The following TDRD3 variants were observed in gnomAD, a reference collection of about 807,000 sequenced individuals.
TDRD3 encodes the protein tudor domain containing 3, also known as tudor domain-containing protein 3.
Under a neutral mutation model 86.7 loss-of-function variants are expected in TDRD3, and 45 were observed. The ratio of observed to expected loss-of-function variants is 0.52; its 90% CI spans 0.41 to 0.67. The LOEUF (loss-of-function observed/expected upper bound fraction) is 0.67. TDRD3 is among the 30% of genes least tolerant of loss of function. TDRD3 has a pLI of 0.00. For missense variants in TDRD3, 814 were observed against 889.0 expected (o/e 0.92, Z 1.07); for synonymous variants, 298 against 301.7 (o/e 0.99, Z 0.13).
chr13:60,397,750 C>G (rs868289735), intron 1 of TDRD3, among the ~76,000 whole-genome samples: 2 of 151,602 alleles, frequency 1.3e-5, no homozygotes, highest in Admixed American at 6.6e-5. Context: ...CCTGCAGCGC[C>G]GTCCGCGCGG....
intron 5 of TDRD3, among the ~76,000 whole-genome samples, chr13:60,472,165 C>T (rs1956087905): frequency 6.6e-6 from 1 of 152,100 alleles, no homozygotes; most frequent in South Asian, 2.1e-4. Context: ...TAATGCGTTA[C>T]ATTGATTGAT....
intron 5 of TDRD3, among the ~76,000 whole-genome samples, chr13:60,468,501 C>T (rs1165539040): frequency 1.3e-5 from 2 of 152,122 alleles, no homozygotes; most frequent in Non-Finnish European, 2.9e-5. Flanking sequence ...TTCTCATCTC[C>T]TGTAACAGAT....
chr13:60,396,100 T>G (rs1350545984), upstream of TDRD3, among the ~76,000 whole-genome samples: 1 of 152,098 alleles, frequency 6.6e-6, no homozygotes, highest in African/African-American at 2.4e-5. Flanking sequence ...TCCTCCCCAA[T>G]CCCAAGAGCG....
chr13:60,570,301 A>G (rs1003085895), intron 13 of TDRD3, among the ~76,000 whole-genome samples: 1 of 152,234 alleles, frequency 6.6e-6, no homozygotes, highest in Non-Finnish European at 1.5e-5. Flanking sequence ...CAACAGGTAT[A>G]TGAAAAAATA....
At chr13:60,494,405 A>G (rs568749944) in intron 7 of TDRD3, 30 bp from the exon 8 acceptor site, 1 of 1,590,408 alleles carries the variant, frequency 6.3e-7, no homozygotes, top group Non-Finnish European at 8.6e-7. Context: ...CTGTCTACAT[A>G]CCTCTCTTTT....
At chr13:60,405,554 G>A (rs1009117509) in intron 1 of TDRD3, among the ~76,000 whole-genome samples, 1 of 152,106 alleles carries the variant, frequency 6.6e-6, no homozygotes, top group African/African-American at 2.4e-5. Context: ...CTGACTAAGT[G>A]AGGGGAGCAC....
At chr13:60,572,996 T>C (rs1467741655) in intron 13 of TDRD3, among the ~76,000 whole-genome samples, 3 of 152,182 alleles carry the variant, frequency 2.0e-5, no homozygotes, top group Non-Finnish European at 4.4e-5. Flanking sequence ...GAGCTGTTTG[T>C]ATGCAGCCGC....
At chr13:60,508,266 T>G (rs1956980635) in intron 8 of TDRD3, among the ~76,000 whole-genome samples, 2 of 152,166 alleles carry the variant, frequency 1.3e-5, no homozygotes, top group African/African-American at 4.8e-5. Flanking sequence ...TAGAAAAAAC[T>G]ACTTTAAATT....
At chr13:60,494,227 T>G (rs1370150262) in intron 7 of TDRD3, among the ~76,000 whole-genome samples, 1 of 152,230 alleles carries the variant, frequency 6.6e-6, no homozygotes, top group Admixed American at 6.5e-5. Context: ...GTAATTATTT[T>G]TATTGCCTGG....
At chr13:60,507,950 A>G (rs1052874388) in intron 8 of TDRD3, among the ~76,000 whole-genome samples, 5 of 152,228 alleles carry the variant, frequency 3.3e-5, no homozygotes, top group Non-Finnish European at 7.3e-5. Context: ...CCAATGTGCA[A>G]AAATCACAAG....
At chr13:60,443,696 T>C (rs2137977135) in intron 2 of TDRD3, among the ~76,000 whole-genome samples, 1 of 152,044 alleles carries the variant, frequency 6.6e-6, no homozygotes, top group East Asian at 1.9e-4. Context: ...TCCTTAAGTC[T>C]AACAAAAATT....
chr13:60,555,397 C>T (rs1019191194), intron 12 of TDRD3, among the ~76,000 whole-genome samples: 6 of 152,150 alleles, frequency 3.9e-5, no homozygotes, highest in African/African-American at 1.4e-4. Context: ...TGTACATTAA[C>T]TGATTTAATA....
At chr13:60,494,654 T>A in intron 8 of TDRD3, 79 bp downstream of exon 8, 1 of 1,406,778 alleles carries the variant, frequency 7.1e-7, no homozygotes, top group Non-Finnish European at 9.7e-7. Context: ...CCACCACCAC[T>A]GGCTTTGTGC....
At chr13:60,570,330 C>T (rs138893992) in intron 13 of TDRD3, among the ~76,000 whole-genome samples, 69 of 152,246 alleles carry the variant, frequency 4.5e-4, no homozygotes, top group African/African-American at 1.6e-3. Flanking sequence ...CATTAATCAT[C>T]AGAGAAATGC....
chr13:60,495,705 T>C (rs1336020664), intron 8 of TDRD3, among the ~76,000 whole-genome samples: 3 of 152,120 alleles, frequency 2.0e-5, no homozygotes, highest in Non-Finnish European at 2.9e-5. Flanking sequence ...CCTCAGATGA[T>C]CCACCCGCTT....
chr13:60,456,156 T>A (rs1321081519), intron 3 of TDRD3, among the ~76,000 whole-genome samples: 2 of 151,080 alleles, frequency 1.3e-5, no homozygotes, highest in East Asian at 3.9e-4. Context: ...GAAAAAAAAA[T>A]TGTTTTAAGT....
At chr13:60,520,670 G>A (rs1957268572) in intron 10 of TDRD3, among the ~76,000 whole-genome samples, 1 of 152,292 alleles carries the variant, frequency 6.6e-6, no homozygotes, top group East Asian at 1.9e-4. Context: ...AGCTCCACAG[G>A]ATAGAGGGCA....
intron 2 of TDRD3, among the ~76,000 whole-genome samples, chr13:60,440,639 C>G (rs1280246000): frequency 6.6e-6 from 1 of 152,014 alleles, no homozygotes; most frequent in Non-Finnish European, 1.5e-5. Context: ...CGAGATCATG[C>G]CACTGCACTC....
chr13:60,535,379 ATTC>A, intron 12 of TDRD3, 146 bp downstream of exon 12: 1 of 791,240 alleles, frequency 1.3e-6, no homozygotes, highest in Non-Finnish European at 1.8e-6. Flanking sequence ...TAAGATTTTA[ATTC>A]AATGCTTACA....
Sources: gnomAD v4.1 joint callset for allele counts (sites outside exome capture counted in the v4.1 genomes callset) on GRCh38, gnomAD v4.1.1 for gene constraint, MANE v1.5 for transcripts, NCBI Gene and HGNC (gene_info 2026-07-23, HGNC 2026-07-21) for gene names.